The following TRMT11 variants were observed in gnomAD, a reference collection of about 807,000 sequenced individuals.
TRMT11 encodes the protein tRNA methyltransferase 11.
In TRMT11, 53 loss-of-function variants were observed where a neutral mutation model predicts 62.8. The observed-to-expected ratio is 0.84, with a 90% CI of 0.68 to 1.06. The LOEUF is 1.06. TRMT11 is among the 50% of genes least tolerant of loss of function. TRMT11 has a pLI of 0.00. For missense variants in TRMT11, 556 were observed against 553.4 expected, an observed-to-expected ratio of 1.00 and a Z score of -0.05; for synonymous variants, 188 against 190.3, an observed-to-expected ratio of 0.99 and a Z score of 0.10.
downstream of TRMT11, chr6:126,039,402 C>G (rs1046507191): frequency 2.0e-5 from 3 of 152,028 alleles, no homozygotes; most frequent in African/African-American, 4.8e-5. Flanking sequence ...GACCTGACAA[C>G]CTAGAAAGAT....
At chr6:126,257,958 C>T in the TRMT11 span, 30 of 1,559,168 alleles carry the variant, frequency 1.9e-5, 1 homozygote, top group East Asian at 9.0e-5. Flanking sequence ...CTGCATGCCC[C>T]GGATCTTGTC....
chr6:126,183,208 C>T (rs1778487493), intron 1 of TRMT11, among the ~76,000 whole-genome samples: 1 of 152,116 alleles, frequency 6.6e-6, no homozygotes, highest in African/African-American at 2.4e-5. Flanking sequence ...CACATTAGTT[C>T]TTGTGGTCAA....
chr6:126,239,640 A>AT, the TRMT11 span, among the ~76,000 whole-genome samples: 1 of 151,862 alleles, frequency 6.6e-6, no homozygotes, highest in African/African-American at 2.4e-5. Context: ...TGCCCTTAAC[A>AT]TTTTTTCCTT....
the TRMT11 span, among the ~76,000 whole-genome samples, chr6:126,246,753 A>C: frequency 1.3e-5 from 2 of 152,216 alleles, no homozygotes; most frequent in African/African-American, 4.8e-5. Flanking sequence ...TCAAGGTGAC[A>C]GATTGAAAAT....
chr6:126,183,358 A>G (rs1171124317), intron 1 of TRMT11, among the ~76,000 whole-genome samples: 1 of 152,152 alleles, frequency 6.6e-6, no homozygotes, highest in South Asian at 2.1e-4. Flanking sequence ...TTCTTCTGTA[A>G]TAAGGCCCAG....
intron 17 of TRMT11, among the ~76,000 whole-genome samples, chr6:126,096,586 A>T (rs763202103): frequency 8.6e-5 from 13 of 151,880 alleles, no homozygotes; most frequent in Non-Finnish European, 1.8e-4. Context: ...AATGCTTTAG[A>T]TAGCATGCTC....
chr6:126,147,237 ATTTT>A (rs1777984392), intron 21 of TRMT11, among the ~76,000 whole-genome samples: 1 of 151,912 alleles, frequency 6.6e-6, no homozygotes, highest in African/African-American at 2.4e-5. Flanking sequence ...ATTTTTGTGG[ATTTT>A]TTCGTTCTCT....
intron 21 of TRMT11, among the ~76,000 whole-genome samples, chr6:126,151,818 C>CTTTCTTTAGT (rs1554242219): frequency 2.9e-5 from 3 of 104,580 alleles, no homozygotes; most frequent in Non-Finnish European, 4.1e-5. Flanking sequence ...TTCTTTCTTT[C>CTTTCTTTAGT]TTTCTTTCTT....
intron 1 of TRMT11, among the ~76,000 whole-genome samples, chr6:126,190,315 G>A (rs1391323391): frequency 6.6e-6 from 1 of 152,090 alleles, no homozygotes; most frequent in African/African-American, 2.4e-5. Flanking sequence ...ATTGGATAAT[G>A]GGGGCTGTTT....
intron 17 of TRMT11, among the ~76,000 whole-genome samples, chr6:126,059,045 CTTTTTTT>C (rs1036996695): frequency 1.6e-5 from 2 of 128,132 alleles, no homozygotes; most frequent in Admixed American, 7.9e-5. Flanking sequence ...CTCTACTTAT[CTTTTTTT>C]TTTTTTTTTT....
At chr6:126,004,754 T>G (rs1427160352) in intron 7 of TRMT11, among the ~76,000 whole-genome samples, 2 of 152,084 alleles carry the variant, frequency 1.3e-5, no homozygotes, top group African/African-American at 2.4e-5. Context: ...GTTTCCCAAA[T>G]GTATTGCTCA....
chr6:125,987,408 G>A (rs1156435778), intron 1 of TRMT11, among the ~76,000 whole-genome samples: 1 of 152,190 alleles, frequency 6.6e-6, no homozygotes, highest in East Asian at 1.9e-4. Context: ...CACTAGTTAT[G>A]TGGCAGAGTG....
intron 17 of TRMT11, among the ~76,000 whole-genome samples, chr6:126,063,704 A>C (rs886990739): frequency 1.3e-5 from 2 of 152,218 alleles, no homozygotes; most frequent in African/African-American, 4.8e-5. Flanking sequence ...TTCATGGGCC[A>C]TGCTTTGAGA....
rs148282364 is a variant in TRMT11 at position 126,013,087 on chromosome 6, G to A, written c.1125G>A (p.Pro375=). Residue 375 remains proline (P), a synonymous_variant, in exon 11 of 13, where the codon CCG becomes CCA. Coordinates refer to ENST00000334379, the MANE Select transcript of TRMT11 (RefSeq NM_001031712.3). ...GTGGAAGACTAGTCTATTGGTTACC[G>A]GTGTATACGCCAGAGTATGTAATCT... The part of the protein sequence containing the change: ...VLGGRLVYWL[P]VYTPEYTEEM... 564 of 1,612,912 alleles carry A rather than the reference G, an allele frequency of 3.5e-4. 3 individuals carry two copies. The African/African-American group carries it at 5.9e-3, about 17-fold the overall frequency.
At chr6:126,041,534 A>G (rs1775880326), downstream of TRMT11, among the ~76,000 whole-genome samples, 1 of 152,158 alleles carries the variant, frequency 6.6e-6, no homozygotes, top group South Asian at 2.1e-4. Flanking sequence ...ATCCAAAGAG[A>G]TATGGAATAA....
chr6:126,082,551 T>C lies in TRMT11; in HGVS notation c.*1437+29361T>C, dbSNP rs566786558. ...TCTTTTTCACATTGAAAATTAGTCTTAGGGCATATCCTCTATGCTCTAAAA... is the reference window on the plus strand; with the variant it reads ...TCTTTTTCACATTGAAAATTAGTCTCAGGGCATATCCTCTATGCTCTAAAA... On this transcript the variant is annotated intron_variant and NMD_transcript_variant, in intron 17 of 22. Coordinates refer to the TRMT11 transcript ENST00000648977. Among the ~76,000 whole-genome samples, 13 of 152,228 alleles carry C rather than the reference T, an allele frequency of 8.5e-5. No individual in the cohort carries two copies. In the South Asian group the frequency reaches 2.7e-3, roughly 32 times the overall value.
chr6:126,115,589 A>T (rs112140981), intron 20 of TRMT11, among the ~76,000 whole-genome samples: 4 of 152,286 alleles, frequency 2.6e-5, no homozygotes, highest in Middle Eastern at 3.4e-3. Flanking sequence ...TTTAATCAGA[A>T]GTAAAGCAAT....
At chr6:126,060,886 T>C (rs2128125962) in intron 17 of TRMT11, among the ~76,000 whole-genome samples, 1 of 152,342 alleles carries the variant, frequency 6.6e-6, no homozygotes. Flanking sequence ...AATGCATTGT[T>C]TATGTAGTTT....
intron 21 of TRMT11, among the ~76,000 whole-genome samples, chr6:126,163,881 T>C (rs1778227639): frequency 6.6e-6 from 1 of 152,208 alleles, no homozygotes. Context: ...TTTATTAGTC[T>C]GGCTAGCAGT....
Sources: gnomAD v4.1 joint callset for allele counts (sites outside exome capture counted in the v4.1 genomes callset) on GRCh38, gnomAD v4.1.1 for gene constraint, MANE v1.5 for transcripts, NCBI Gene and HGNC (gene_info 2026-07-23, HGNC 2026-07-21) for gene names.